AKAP6: variants seen among roughly 807,000 people sequenced by gnomAD.
AKAP6 encodes the protein A-kinase anchor protein 6.
Under a neutral mutation model 188.5 loss-of-function variants are expected in AKAP6, and 58 were observed. The observed-to-expected ratio is 0.31, with a 90% CI of 0.25 to 0.38. The LOEUF (loss-of-function observed/expected upper bound fraction) is 0.38, where lower values mean the gene tolerates loss of function less well. Among genes scored for constraint, AKAP6 ranks in the 10% least tolerant of loss-of-function variants. AKAP6 has a pLI of 1.00. For synonymous variants in AKAP6, 989 were observed against 998.6 expected (o/e 0.99, Z 0.18); for missense variants, 2,710 against 2,740.0 (o/e 0.99, Z 0.24).
intron 7 of AKAP6, among the ~76,000 whole-genome samples, chr14:32,657,350 G>A (rs1453468212): frequency 1.3e-5 from 2 of 152,160 alleles, no homozygotes; most frequent in Non-Finnish European, 1.5e-5. Flanking sequence ...ACCCTCGGTA[G>A]AGTCAATGGA....
intron 1 of AKAP6, among the ~76,000 whole-genome samples, chr14:32,368,188 A>G (rs1887895863): frequency 6.6e-6 from 1 of 152,136 alleles, no homozygotes; most frequent in Non-Finnish European, 1.5e-5. Flanking sequence ...GCAGGAGCTT[A>G]ACACATGGTA....
At chr14:32,758,797 A>T (rs899838976) in intron 11 of AKAP6, among the ~76,000 whole-genome samples, 7 of 152,194 alleles carry the variant, frequency 4.6e-5, no homozygotes, top group African/African-American at 1.4e-4. Flanking sequence ...GAAATATAGA[A>T]ATGCTTATTA....
At position 32,741,757 on chromosome 14, in the gene AKAP6, G is replaced by T. The variant is rs527781966; in HGVS notation, c.3372+5875G>T. Among the ~76,000 whole-genome samples, 618 of 143,886 alleles carry T rather than the reference G, an allele frequency of 4.3e-3. 4 individuals carry two copies. The highest frequency in any genetic ancestry group is 0.018 in the South Asian group (81 of 4,536). 94.4% of individuals were successfully genotyped at this position (143,886 alleles called of 152,430 possible). ...ATCTTTTTAATGTATTATTGAATTT[G>T]GTTTGCTAGTATTTTGTTGAGGGTT... On this transcript the variant is annotated intron_variant, in intron 11 of 13. Coordinates refer to ENST00000280979, the MANE Select transcript of AKAP6 (RefSeq NM_004274.5).
chr14:32,825,775 C>A (rs1050093095), intron 13 of AKAP6, among the ~76,000 whole-genome samples: 6 of 152,138 alleles, frequency 3.9e-5, no homozygotes, highest in African/African-American at 1.4e-4. Context: ...CCTCCACCCC[C>A]CACTCCAGAA....
chr14:32,786,445 C>T (rs966635592), intron 12 of AKAP6, among the ~76,000 whole-genome samples: 18 of 150,516 alleles, frequency 1.2e-4, no homozygotes, highest in Middle Eastern at 3.4e-3. Flanking sequence ...GTAGCTGGGA[C>T]TACAGGCGCC....
chr14:32,702,910 C>CACA (rs142060774), intron 9 of AKAP6, among the ~76,000 whole-genome samples: 7,157 of 152,214 alleles, frequency 0.047, 540 homozygotes, highest in African/African-American at 0.16. Context: ...CACGCTTAAT[C>CACA]ACAACAGGGC....
chr14:32,412,802 G>A (rs1889530321), intron 1 of AKAP6, among the ~76,000 whole-genome samples: 1 of 152,126 alleles, frequency 6.6e-6, no homozygotes, highest in African/African-American at 2.4e-5. Context: ...CACACACCAC[G>A]GATGATGTTA....
At chr14:32,587,034 A>G (rs1885282463) in intron 5 of AKAP6, among the ~76,000 whole-genome samples, 1 of 152,226 alleles carries the variant, frequency 6.6e-6, no homozygotes, top group Admixed American at 6.5e-5. Flanking sequence ...TATTCTTGCT[A>G]TCAGAGTATG....
chr14:32,763,073 A>G (rs2032593147), intron 11 of AKAP6, among the ~76,000 whole-genome samples: 1 of 152,082 alleles, frequency 6.6e-6, no homozygotes, highest in Non-Finnish European at 1.5e-5. Flanking sequence ...TGTCGAAACT[A>G]TTTTGGCACA....
chr14:32,654,125 T>G (rs977582683), intron 7 of AKAP6, among the ~76,000 whole-genome samples: 1 of 152,172 alleles, frequency 6.6e-6, no homozygotes, highest in Non-Finnish European at 1.5e-5. Flanking sequence ...AAAATGCCCA[T>G]AATTTTTAGC....
chr14:32,835,871 A>G lies in AKAP6; in HGVS notation c.*6066A>G, dbSNP rs1454350583. The G allele has an allele frequency of 6.6e-6, 1 of 152,240 alleles. No individual in the cohort carries two copies. The highest frequency in any genetic ancestry group is 2.4e-5 in the African/African-American group (1 of 41,462). The allele number at this position is 152,240 out of a possible 1,614,324, so 9.4% of individuals were successfully genotyped here. ...AAAAGCAGCCACATACCTTCTATAT[A>G]ACAATGGCCCTTTAGTTTGAGAGTT... On this transcript the variant is annotated 3_prime_UTR_variant, in exon 14 of 14. Transcript: ENST00000280979.
chr14:32,717,209 T>A (rs1209698331), intron 9 of AKAP6, among the ~76,000 whole-genome samples: 1 of 152,174 alleles, frequency 6.6e-6, no homozygotes, highest in East Asian at 1.9e-4. Context: ...TGAAAAGTTA[T>A]CCCTTGTTGT....
Position 32,335,432 on chromosome 14 carries a change from C to T in AKAP6, c.-35+6024C>T, listed in dbSNP as rs193176920. Among the ~76,000 whole-genome samples, 5 of 152,290 alleles carry T rather than the reference C, an allele frequency of 3.3e-5. No individual in the cohort carries two copies. The East Asian group carries it at 7.7e-4, about 24-fold the overall frequency. ...AGATGTTTGAGTTTCAGACTCCCCA[C>T]TTCCTCCTACTCTGGAACAATTCAA... On this transcript the variant is annotated intron_variant, in intron 1 of 13. Transcript: ENST00000280979.
intron 7 of AKAP6, among the ~76,000 whole-genome samples, chr14:32,660,448 G>A (rs543810898): frequency 6.6e-5 from 10 of 152,064 alleles, no homozygotes; most frequent in Non-Finnish European, 1.3e-4. Context: ...TCCTAATTGT[G>A]GGCAATCACT....
chr14:32,481,992 CA>C (rs774559795), intron 2 of AKAP6, among the ~76,000 whole-genome samples: 1,732 of 152,210 alleles, frequency 0.011, 14 homozygotes, highest in East Asian at 0.026. Context: ...CATCTTGGAA[CA>C]AATTGAAGGG....
At chr14:32,350,017 T>C (rs1887209431) in intron 1 of AKAP6, among the ~76,000 whole-genome samples, 1 of 152,166 alleles carries the variant, frequency 6.6e-6, no homozygotes, top group Non-Finnish European at 1.5e-5. Flanking sequence ...TATAAATGAA[T>C]AATTGAATAA....
intron 2 of AKAP6, among the ~76,000 whole-genome samples, chr14:32,513,923 G>T (rs1881384749): frequency 1.3e-5 from 2 of 151,920 alleles, no homozygotes. Flanking sequence ...ATTTTACAAT[G>T]TTTTTAGCAT....
intron 1 of AKAP6, among the ~76,000 whole-genome samples, chr14:32,384,022 G>A (rs1888450505): frequency 6.6e-5 from 10 of 152,118 alleles, no homozygotes; most frequent in Admixed American, 6.6e-4. Flanking sequence ...GCTGTTAATG[G>A]ACTGGTTCAT....
chr14:32,389,223 T>C (rs543725946), intron 1 of AKAP6, among the ~76,000 whole-genome samples: 1 of 152,234 alleles, frequency 6.6e-6, no homozygotes, highest in Admixed American at 6.5e-5. Flanking sequence ...ACCTTAAGTT[T>C]GTGCGAGTCC....
Sources: gnomAD v4.1 joint callset for allele counts (sites outside exome capture counted in the v4.1 genomes callset) on GRCh38, gnomAD v4.1.1 for gene constraint, MANE v1.5 for transcripts, NCBI Gene and HGNC (gene_info 2026-07-23, HGNC 2026-07-21) for gene names.